FAM217B: variants seen among roughly 807,000 people sequenced by gnomAD.
FAM217B encodes family with sequence similarity 217 member B.
For missense variants in FAM217B, 463 were observed against 456.9 expected (o/e 1.01, Z -0.12); for synonymous variants, 163 against 173.0 (o/e 0.94, Z 0.45).
chr20:59,946,672 C>G lies in FAM217B; in HGVS notation c.*1577C>G, dbSNP rs1219936783. 6.0e-6 allele frequency: 1 copy of G among 167,046 alleles called. No homozygotes were observed. The highest frequency in any genetic ancestry group is 1.5e-5 in the Non-Finnish European group (1 of 68,106). The allele number at this position is 167,046 out of a possible 1,614,324, so 10.3% of individuals were successfully genotyped here. The stretch of plus-strand genomic sequence containing the variant: ...ACTTGTACAAGTTCCTTCTTACATT[C>G]TTTCCCTCTCACACCATCCTACTGG... On this transcript the variant is annotated 3_prime_UTR_variant, in exon 4 of 4. Transcript: ENST00000360816.
upstream of FAM217B, chr20:59,939,995 T>G: frequency 7.4e-6 from 9 of 1,212,842 alleles, no homozygotes; most frequent in Non-Finnish European, 9.4e-6. Flanking sequence ...CCGCGACAGC[T>G]CCCTCCGTGC....
chr20:59,934,629 A>G (rs1242002911), intron 1 of FAM217B, among the ~76,000 whole-genome samples: 1 of 152,248 alleles, frequency 6.6e-6, no homozygotes, highest in African/African-American at 2.4e-5. Flanking sequence ...CCTTTGGATT[A>G]ATATTTGTGT....
At chr20:59,937,623 G>A (rs1048849719), upstream of FAM217B, 10 of 151,286 alleles carry the variant, frequency 6.6e-5, no homozygotes, top group African/African-American at 2.4e-4. Flanking sequence ...GGTTTCAGCT[G>A]TATCATAAGC....
upstream of FAM217B, chr20:59,939,705 G>A: frequency 7.5e-7 from 1 of 1,336,158 alleles, no homozygotes; most frequent in African/African-American, 1.5e-5. Flanking sequence ...GGGGGAGCTG[G>A]GCAGTGAGCG....
In FAM217B at chr20:59,946,929, T is replaced by C. The variant is rs2060940247; in HGVS notation, c.*1834T>C. On this transcript the variant is annotated 3_prime_UTR_variant, in exon 4 of 4. Coordinates refer to ENST00000360816, the MANE Select transcript of FAM217B (RefSeq NM_022106.3). ...TGAGCACAGATTAGTCTGTTATCCA[T>C]GGCTGGCACTTCACTTATGATCCTT... 1 of 167,130 alleles carries C rather than the reference T, an allele frequency of 6.0e-6. No homozygotes were observed. Among genetic ancestry groups the C allele is most frequent in the South Asian group, 2.1e-4 (1 of 4,832 alleles). 10.4% of individuals were successfully genotyped at this position (167,130 alleles called of 1,614,324 possible). A position where few individuals can be genotyped will look rare whatever the true frequency, so the allele number is the denominator to read the frequency against.
At chr20:59,939,253 C>T (rs374884643), upstream of FAM217B, 187 of 1,611,600 alleles carry the variant, frequency 1.2e-4, no homozygotes, top group Non-Finnish European at 1.5e-4. Flanking sequence ...TCGGGGCCTG[C>T]GGGCCCGCGC....
intron 1 of FAM217B, chr20:59,933,862 G>A (rs2060829787): frequency 6.6e-6 from 1 of 151,996 alleles, no homozygotes; most frequent in Non-Finnish European, 1.5e-5. Flanking sequence ...AGGTTAGTGG[G>A]TCCCCGCTGT....
intron 3 of FAM217B, among the ~76,000 whole-genome samples, chr20:59,942,973 A>T (rs2145950936): frequency 6.6e-6 from 1 of 152,348 alleles, no homozygotes; most frequent in African/African-American, 2.4e-5. Context: ...TGTAGCACGT[A>T]TTCAAATAGT....
upstream of FAM217B, chr20:59,938,812 G>C: frequency 5.3e-6 from 2 of 378,660 alleles, no homozygotes; most frequent in Admixed American, 4.6e-5. Flanking sequence ...TACACAACTC[G>C]GCCTTCTGGC....
At chr20:59,939,983 C>G, upstream of FAM217B, 1 of 1,234,762 alleles carries the variant, frequency 8.1e-7, no homozygotes, top group Non-Finnish European at 1.0e-6. Context: ...GACCTCCCGA[C>G]CCCGCGACAG....
chr20:59,946,702 A>G lies in FAM217B; in HGVS notation c.*1607A>G, dbSNP rs2060938911. On this transcript the variant is annotated 3_prime_UTR_variant, in exon 4 of 4. Transcript: ENST00000360816. Reference sequence around the variant, plus strand: ...CCTCTCACACCATCCTACTGGAGAAAGCATACTTTTATGCTAAGATCTTAC... The same window carrying G: ...CCTCTCACACCATCCTACTGGAGAAGGCATACTTTTATGCTAAGATCTTAC... The G allele has an allele frequency of 6.0e-6, 1 of 167,098 alleles. No individual in the cohort carries two copies. The highest frequency in any genetic ancestry group is 1.5e-5 in the Non-Finnish European group (1 of 68,122). The allele number at this position is 167,098 out of a possible 1,614,324, so 10.4% of individuals were successfully genotyped here.
rs1303903947 is a variant in FAM217B at position 59,944,821 on chromosome 20, A to C, written c.878A>C (p.Lys293Thr). 6.2e-7 allele frequency: 1 copy of C among 1,614,106 alleles called. No individual in the cohort carries two copies. The highest frequency in any genetic ancestry group is 1.3e-5 in the African/African-American group (1 of 74,938). The part of the protein sequence containing the change: ...RQTLEMRTEE[K>T]KKKSSKSTKL... ...ACCCTTGAAATGAGGACAGAAGAAA[A>C]GAAAAAGAAATCAAGTAAGAGTACG... Residue 293 changes from lysine (K) to threonine (T), a missense_variant, in exon 4 of 4, where the codon AAG (lysine) becomes ACG (threonine). Lys to Thr is a moderately conservative substitution (Grantham distance 78). Coordinates refer to ENST00000360816, the MANE Select transcript of FAM217B (RefSeq NM_022106.3).
In FAM217B at chr20:59,948,108, TA is replaced by T. The variant is rs542802075; in HGVS notation, c.*3019del. On this transcript the variant is annotated 3_prime_UTR_variant, in exon 4 of 4. Coordinates refer to ENST00000360816, the MANE Select transcript of FAM217B (RefSeq NM_022106.3). ...TTAGAATTATCTAATGGAAAAAATGTAAAAAAGTACAAAAATGAACTAAAAG... is the reference window on the plus strand; with the variant it reads ...TTAGAATTATCTAATGGAAAAAATGTAAAAAGTACAAAAATGAACTAAAAG... The T allele has an allele frequency of 1.8e-5, 3 of 164,892 alleles. No individual in the cohort carries two copies. Among genetic ancestry groups the T allele is most frequent in the Non-Finnish European group, 4.4e-5 (3 of 67,858 alleles). The allele number at this position is 164,892 out of a possible 1,614,324, so 10.2% of individuals were successfully genotyped here.
upstream of FAM217B, chr20:59,937,522 T>C (rs545535536): frequency 6.6e-6 from 1 of 152,310 alleles, no homozygotes; most frequent in Non-Finnish European, 1.5e-5. Flanking sequence ...CCGAAATGCA[T>C]CCTTTCAGTA....
chr20:59,941,985 C>G (rs1000892571), intron 1 of FAM217B: 14 of 152,154 alleles, frequency 9.2e-5, no homozygotes, highest in African/African-American at 3.1e-4. Flanking sequence ...TCTCTAATAT[C>G]TACTGTAATA....
Position 59,945,123 on chromosome 20 carries a change from C to T in FAM217B, c.*28C>T, listed in dbSNP as rs767530124. On this transcript the variant is annotated 3_prime_UTR_variant, in exon 4 of 4. Transcript: ENST00000360816. ...ATCTAAAATGCTGAATTGCCAAGAC[C>T]TGCAGGTACCTCAATGTTAGAGCGC... The T allele has an allele frequency of 2.7e-6, 4 of 1,502,692 alleles. No individual in the cohort carries two copies. Among genetic ancestry groups the T allele is most frequent in the Non-Finnish European group, 3.6e-6 (4 of 1,126,128 alleles). The allele number at this position is 1,502,692 out of a possible 1,614,324, so 93.1% of individuals were successfully genotyped here.
rs140439668 is a variant in FAM217B, at chr20:59,944,022, C to T, written c.79C>T (p.Pro27Ser). 1 of 1,613,998 alleles carries T rather than the reference C, an allele frequency of 6.2e-7. No homozygotes were observed. ...AAAAAGGCAGAGTAAATCCCAAGTA[C>T]CCCACGCTTCTTCCCAGCCGAGAAG... ...SGKRQSKSQV[P>S]HASSQPRSSL... Residue 27 changes from proline (P) to serine (S), a missense_variant, in exon 4 of 4, where the codon CCC becomes TCC. Transcript: ENST00000360816.
chr20:59,940,564 T>G (rs1374340100), intron 1 of FAM217B, 29 bp downstream of exon 1: 1 of 152,282 alleles, frequency 6.6e-6, no homozygotes, highest in Non-Finnish European at 1.5e-5. Context: ...TACGTCTGCC[T>G]GGATTGCGCG....
At chr20:59,939,799 C>CA, upstream of FAM217B, 1 of 1,230,308 alleles carries the variant, frequency 8.1e-7, no homozygotes, top group East Asian at 3.2e-5. Flanking sequence ...CCCGGGCTCC[C>CA]AGGGGGCCTA....
Sources: allele counts gnomAD v4.1 joint callset (sites outside exome capture counted in the v4.1 genomes callset), GRCh38; gene constraint gnomAD v4.1.1; transcripts MANE v1.5; gene names NCBI Gene and HGNC (gene_info 2026-07-23, HGNC 2026-07-21).